The following ZNF599 variants were observed in gnomAD, a reference collection of about 807,000 sequenced individuals.
ZNF599 encodes zinc finger protein 599.
A neutral mutation model predicts 11.7 loss-of-function variants in ZNF599; 10 were observed. The ratio of observed to expected loss-of-function variants is 0.86; its 90% confidence interval spans 0.53 to 1.45. The LOEUF is 1.45. ZNF599 is among the 40% of genes most tolerant of loss of function. The probability of loss-of-function intolerance (pLI) is 0.00; values close to 1 mark genes in which losing one functional copy is unlikely to be tolerated. For missense variants in ZNF599, 688 were observed against 713.6 expected, an observed-to-expected ratio of 0.96 and a Z score of 0.41; for synonymous variants, 232 against 253.2, an observed-to-expected ratio of 0.92 and a Z score of 0.79.
chr19:34,786,714 G>C, the ZNF599 span, among the ~76,000 whole-genome samples: 1 of 152,096 alleles, frequency 6.6e-6, no homozygotes, highest in African/African-American at 2.4e-5. Flanking sequence ...GACAAGGCAG[G>C]GCTTTTCTTC....
chr19:34,780,952 C>T, the ZNF599 span, among the ~76,000 whole-genome samples: 86 of 152,046 alleles, frequency 5.7e-4, no homozygotes, highest in African/African-American at 2.0e-3. Flanking sequence ...GTCAGGAGAT[C>T]GAGACCATCG....
chr19:34,794,745 A>G, the ZNF599 span, among the ~76,000 whole-genome samples: 13 of 151,940 alleles, frequency 8.6e-5, no homozygotes, highest in South Asian at 2.7e-3. Flanking sequence ...TAATTTTTCT[A>G]TTTTTAGTAG....
At chr19:34,800,582 CTTTGT>C in the ZNF599 span, among the ~76,000 whole-genome samples, 10 of 73,836 alleles carry the variant, frequency 1.4e-4, no homozygotes, top group African/African-American at 4.4e-4. Context: ...CTAGCATTTC[CTTTGT>C]TTTTTTTTTT....
Position 34,769,535 on chromosome 19 carries a change from G to A in ZNF599, c.39C>T (p.Asp13=), listed in dbSNP as rs111472493. The change falls in exon 2 of 4, where the codon GAC becomes GAT. Residue 13 remains aspartate, a synonymous_variant. Transcript: ENST00000329285. ...APALALVSFE[D]VVVTFTGEEW... ...CCTCTCCAGTGAAGGTCACAACCAC[G>A]TCTTCAAATGATACTAATGCCTGGG... 23 of 1,613,950 alleles carry A rather than the reference G, an allele frequency of 1.4e-5. 1 individual carries two copies. Among genetic ancestry groups the A allele is most frequent in the African/African-American group, 9.3e-5 (7 of 75,034 alleles).
At chr19:34,799,680 A>G in the ZNF599 span, among the ~76,000 whole-genome samples, 3 of 152,256 alleles carry the variant, frequency 2.0e-5, no homozygotes, top group Admixed American at 1.3e-4. Context: ...ACTCATGTCC[A>G]TATAAGAAAA....
At chr19:34,783,335 CAGAA>C in the ZNF599 span, among the ~76,000 whole-genome samples, 1 of 152,136 alleles carries the variant, frequency 6.6e-6, no homozygotes, top group African/African-American at 2.4e-5. Flanking sequence ...TGTGGTTTCA[CAGAA>C]AGGAAGAGGC....
the ZNF599 span, among the ~76,000 whole-genome samples, chr19:34,798,742 G>A: frequency 6.6e-6 from 1 of 152,158 alleles, no homozygotes; most frequent in East Asian, 1.9e-4. Flanking sequence ...AGATTTGCAT[G>A]TTACAGCCTA....
the ZNF599 span, among the ~76,000 whole-genome samples, chr19:34,795,832 TC>T: frequency 1.3e-5 from 2 of 152,188 alleles, no homozygotes; most frequent in Non-Finnish European, 2.9e-5. Context: ...TTTTTCTTTT[TC>T]TTTTTGAGAT....
chr19:34,767,530 C>T (rs2069152979), intron 2 of ZNF599, 119 bp from the exon 3 acceptor site: 3 of 656,272 alleles, frequency 4.6e-6, no homozygotes, highest in Admixed American at 5.4e-5. Context: ...AGGGCCCTCC[C>T]CTGCCTCACC....
chr19:34,761,938 CA>C (rs1435977702), intron 3 of ZNF599, among the ~76,000 whole-genome samples: 2 of 151,712 alleles, frequency 1.3e-5, no homozygotes, highest in Non-Finnish European at 2.9e-5. Flanking sequence ...ATATAATAAA[CA>C]AAAAAGCAAA....
the ZNF599 span, among the ~76,000 whole-genome samples, chr19:34,788,068 A>T: frequency 6.6e-6 from 1 of 152,202 alleles, no homozygotes; most frequent in Non-Finnish European, 1.5e-5. Flanking sequence ...CTTACATTGT[A>T]TTGGGTATTG....
chr19:34,764,980 G>A (rs2069133102), intron 3 of ZNF599: 1 of 151,760 alleles, frequency 6.6e-6, no homozygotes, highest in African/African-American at 2.4e-5. Context: ...TCTCCAACAA[G>A]CTTGGCTGTT....
the ZNF599 span, among the ~76,000 whole-genome samples, chr19:34,789,487 C>G: frequency 6.6e-6 from 1 of 152,160 alleles, no homozygotes; most frequent in Non-Finnish European, 1.5e-5. Flanking sequence ...TGGAAGTGTT[C>G]CCTCTTATCC....
At chr19:34,799,737 C>T in the ZNF599 span, among the ~76,000 whole-genome samples, 2 of 152,206 alleles carry the variant, frequency 1.3e-5, no homozygotes, top group Admixed American at 6.5e-5. Context: ...TTTCTCTTCC[C>T]TGTCTACCCC....
chr19:34,767,333 G>A lies in ZNF599; in HGVS notation c.224C>T (p.Ser75Phe). The A allele has an allele frequency of 1.9e-6, 3 of 1,614,106 alleles. No homozygotes were observed. Among genetic ancestry groups the A allele is most frequent in the Non-Finnish European group, 1.7e-6 (2 of 1,179,988 alleles). ...TCACCAACCTGCGCAGGTGCTTTGG[G>A]AGAGGCCTCTCTTCACTGTCCACAG... is the stretch of plus-strand genomic sequence containing the variant. Reference protein sequence around the residue: ...QELWTVKRGLSQSTCAGEKAK... With the variant: ...QELWTVKRGLFQSTCAGEKAK... The change falls in exon 3 of 4, where the codon TCC (serine) becomes TTC (phenylalanine). Residue 75 changes from serine (S) to phenylalanine (F), a missense_variant. By Grantham distance (155) the Ser-to-Phe change is radical (BLOSUM62 -2). Coordinates refer to ENST00000329285, the MANE Select transcript of ZNF599 (RefSeq NM_001007248.3).
the ZNF599 span, chr19:34,779,583 C>G: frequency 1.7e-5 from 7 of 417,410 alleles, no homozygotes; most frequent in South Asian, 1.0e-4. Context: ...TTAACCACTG[C>G]TCCAGATGGA....
intron 3 of ZNF599, among the ~76,000 whole-genome samples, chr19:34,766,106 T>A (rs906014231): frequency 6.6e-6 from 1 of 152,050 alleles, no homozygotes; most frequent in Admixed American, 6.5e-5. Context: ...GCATGATGAG[T>A]GTGAGGTGCC....
chr19:34,806,767 G>A, the ZNF599 span, among the ~76,000 whole-genome samples: 1 of 152,238 alleles, frequency 6.6e-6, no homozygotes, highest in Admixed American at 6.5e-5. Context: ...TTGCCCAAGG[G>A]ACTCTCCAAA....
the ZNF599 span, among the ~76,000 whole-genome samples, chr19:34,801,459 A>G: frequency 6.6e-5 from 10 of 152,256 alleles, no homozygotes; most frequent in Non-Finnish European, 1.5e-4. Context: ...CCATATTTGC[A>G]GCTGAAGGTT....
Sources: gnomAD v4.1 joint callset for allele counts (sites outside exome capture counted in the v4.1 genomes callset) on GRCh38, gnomAD v4.1.1 for gene constraint, MANE v1.5 for transcripts, NCBI Gene and HGNC (gene_info 2026-07-23, HGNC 2026-07-21) for gene names.